PCSK6: variants seen among roughly 807,000 people sequenced by gnomAD.
PCSK6 encodes the protein proprotein convertase subtilisin/kexin type 6, also known as paired basic amino acid cleaving enzyme 4.
A neutral mutation model predicts 123.3 loss-of-function variants in PCSK6; 85 were observed. The observed-to-expected ratio is 0.69, with a 90% CI of 0.58 to 0.83. The LOEUF is 0.83. Among genes scored for constraint, PCSK6 ranks in the 40% least tolerant of loss-of-function variants. The pLI is 0.00. For synonymous variants in PCSK6, 508 were observed against 516.0 expected (o/e 0.98, Z 0.21); for missense variants, 1,191 against 1,282.3 (o/e 0.93, Z 1.09).
chr15:101,319,945 G>T (rs1010955352), intron 18 of PCSK6, among the ~76,000 whole-genome samples: 1 of 152,148 alleles, frequency 6.6e-6, no homozygotes, highest in Non-Finnish European at 1.5e-5. Context: ...TGGCAAGTCC[G>T]ATTTATGGCT....
At chr15:101,318,623 G>A (rs1290576841) in intron 18 of PCSK6, among the ~76,000 whole-genome samples, 1 of 152,234 alleles carries the variant, frequency 6.6e-6, no homozygotes, top group African/African-American at 2.4e-5. Context: ...AAGGCCCTGG[G>A]AAGCAAAGCT....
intron 15 of PCSK6, among the ~76,000 whole-genome samples, chr15:101,327,726 C>T (rs1375574594): frequency 6.6e-6 from 1 of 152,216 alleles, no homozygotes; most frequent in Non-Finnish European, 1.5e-5. Context: ...GCCCTCTTCA[C>T]TCGTCTTGAA....
At position 101,313,482 on chromosome 15, in the gene PCSK6, G is replaced by T; in HGVS notation, c.2593C>A (p.His865Asn). Residue 865 changes from histidine (H) to asparagine (N), a missense_variant, in exon 20 of 22, where the codon CAC becomes AAC. His to Asn is a moderately conservative substitution (Grantham distance 68). Transcript: ENST00000611716. ...TGGAAGTGGAAGTTTTTCGCACAGT[G>T]AATGCACTCTTCTCTGCCTGGCCCT... ...CVGPGREECI[H>N]CAKNFHFHDW... 1 of 1,607,426 alleles carries T rather than the reference G, an allele frequency of 6.2e-7. No homozygotes were observed.
At chr15:101,362,207 C>T (rs555737350) in intron 13 of PCSK6, among the ~76,000 whole-genome samples, 20 of 152,264 alleles carry the variant, frequency 1.3e-4, no homozygotes, top group Middle Eastern at 3.4e-3. Context: ...TCACCCGCCT[C>T]GGCCTCCCAA....
rs115897889 is a variant in PCSK6, at chr15:101,449,091, G to A, written c.298-5431C>T. On this transcript the variant is annotated intron_variant, in intron 1 of 21. Coordinates refer to ENST00000611716, the MANE Select transcript of PCSK6 (RefSeq NM_002570.5). The stretch of plus-strand genomic sequence containing the variant: ...TGTATACAGTCATGCCTTGGCATCC[G>A]TGGGGGGCTGGTTCCAGGCCACCCT... Among the ~76,000 whole-genome samples the A allele has an allele frequency of 6.0e-3, 909 of 152,238 alleles. 11 individuals are homozygous for A. The highest frequency in any genetic ancestry group is 0.021 in the African/African-American group (863 of 41,522).
chr15:101,489,235 G>A, intron 1 of PCSK6, 139 bp downstream of exon 1: 8 of 404,168 alleles, frequency 2.0e-5, no homozygotes, highest in Non-Finnish European at 2.5e-5. Flanking sequence ...CCGGCCGCCC[G>A]CCGTCCCCAA....
At chr15:101,432,206 A>G (rs2056468378) in intron 2 of PCSK6, 106 bp from the exon 3 acceptor site, 2 of 880,934 alleles carry the variant, frequency 2.3e-6, no homozygotes, top group South Asian at 1.5e-5. Flanking sequence ...TATCTGTGTC[A>G]TAGCAGATAT....
intron 6 of PCSK6, among the ~76,000 whole-genome samples, chr15:101,418,034 TTATAAC>T (rs1423822328): frequency 1.3e-5 from 2 of 152,076 alleles, no homozygotes; most frequent in African/African-American, 4.8e-5. Flanking sequence ...TTAGAAACAA[TTATAAC>T]TATAAACATG....
chr15:101,489,466 C>CGGGGCGCGGCG lies in PCSK6; in HGVS notation c.194_204dup (p.Val69ArgfsTer56), dbSNP rs2058113915. 3.6e-6 allele frequency: 4 copies of CGGGGCGCGGCG among 1,106,074 alleles called. No homozygotes were observed. The highest frequency in any genetic ancestry group is 4.4e-6 in the Non-Finnish European group (4 of 907,480). 68.5% of individuals were successfully genotyped at this position (1,106,074 alleles called of 1,614,324 possible). On this transcript the variant is annotated frameshift_variant, in exon 1 of 22. Transcript: ENST00000611716. LOFTEE classifies it high-confidence loss of function. Reference sequence around the variant, plus strand: ...TGCACCGCCCAGTGGTTGGTGTAGACGGGGCGCGGCGGGGGCGCGGAGCAG... The same window carrying CGGGGCGCGGCG: ...TGCACCGCCCAGTGGTTGGTGTAGACGGGGCGCGGCGGGGGCGCGGCGGGGGCGCGGAGCAG...
At chr15:101,458,716 C>A (rs2057258271) in intron 1 of PCSK6, among the ~76,000 whole-genome samples, 1 of 152,180 alleles carries the variant, frequency 6.6e-6, no homozygotes, top group African/African-American at 2.4e-5. Context: ...CTCTGTTTCT[C>A]CCCAGCGGCA....
intron 6 of PCSK6, among the ~76,000 whole-genome samples, chr15:101,404,494 G>A (rs2042709410): frequency 6.6e-6 from 1 of 152,172 alleles, no homozygotes; most frequent in African/African-American, 2.4e-5. Flanking sequence ...GAACCTCCAA[G>A]AGAAGGGTCA....
intron 8 of PCSK6, among the ~76,000 whole-genome samples, chr15:101,390,791 C>T (rs868607288): frequency 9.2e-5 from 14 of 152,338 alleles, no homozygotes; most frequent in African/African-American, 3.4e-4. Flanking sequence ...AGACTCAAAG[C>T]AGAGACTCGG....
intron 7 of PCSK6, among the ~76,000 whole-genome samples, chr15:101,394,706 C>T (rs1163803147): frequency 1.3e-5 from 2 of 152,230 alleles, no homozygotes; most frequent in African/African-American, 4.8e-5. Flanking sequence ...GCTGACCAAA[C>T]ATGTCACACT....
chr15:101,343,534 T>C (rs2040666395), intron 13 of PCSK6, among the ~76,000 whole-genome samples: 1 of 152,208 alleles, frequency 6.6e-6, no homozygotes, highest in Non-Finnish European at 1.5e-5. Flanking sequence ...TTTGAATATG[T>C]AGTATTTTTA....
intron 1 of PCSK6, among the ~76,000 whole-genome samples, chr15:101,454,815 T>G (rs538999977): frequency 6.6e-6 from 1 of 152,152 alleles, no homozygotes; most frequent in South Asian, 2.1e-4. Context: ...TATGGTGGCG[T>G]GCACCTGTAA....
chr15:101,431,288 T>C (rs2056437696), intron 4 of PCSK6, 32 bp downstream of exon 4: 2 of 1,611,062 alleles, frequency 1.2e-6, no homozygotes, highest in African/African-American at 1.3e-5. Flanking sequence ...CAGTTGAATA[T>C]ATTTGCATGT....
rs372628171 is a variant in PCSK6 at position 101,393,306 on chromosome 15, G to A, written c.1115C>T (p.Ala372Val). The change falls in exon 8 of 22, where the codon GCC becomes GTC. Residue 372 changes from alanine (A) to valine (V), a missense_variant. Transcript: ENST00000611716. ...CCAGGGCTTGTAGCCATTCTCGGTG[G>A]CGCTGCTGACGGAGATGGTGTAGAT... ...NSIYTISVSS[A>V]TENGYKPWYL... 20 of 1,606,526 alleles carry A rather than the reference G, an allele frequency of 1.2e-5. No homozygotes were observed. In the African/African-American group the frequency reaches 2.7e-4, roughly 22 times the overall value.
chr15:101,344,377 C>T (rs1424777715), intron 13 of PCSK6, among the ~76,000 whole-genome samples: 3 of 152,180 alleles, frequency 2.0e-5, no homozygotes, highest in Non-Finnish European at 2.9e-5. Context: ...AAACCTTTTA[C>T]CAATATGTAT....
At chr15:101,442,578 G>A (rs1223036969) in intron 2 of PCSK6, among the ~76,000 whole-genome samples, 2 of 152,100 alleles carry the variant, frequency 1.3e-5, no homozygotes, top group East Asian at 3.8e-4. Context: ...GAAGCAGGTG[G>A]GTTGGGGCAA....
Sources: gnomAD v4.1 joint callset for allele counts (sites outside exome capture counted in the v4.1 genomes callset) on GRCh38, gnomAD v4.1.1 for gene constraint, MANE v1.5 for transcripts, NCBI Gene and HGNC (gene_info 2026-07-23, HGNC 2026-07-21) for gene names.